Variants in SPMIP8 observed in about 807,000 individuals in gnomAD.
SPMIP8 encodes sperm microtubule inner protein 8, also known as testicular tissue protein Li 196.
chr16:57,985,850 G>A, the SPMIP8 span: 1 of 1,559,838 alleles, frequency 6.4e-7, no homozygotes, highest in South Asian at 1.2e-5. Context: ...GGTCGAGTGA[G>A]GCGCCCAGAG....
chr16:57,982,350 G>T, the SPMIP8 span, among the ~76,000 whole-genome samples: 1 of 152,148 alleles, frequency 6.6e-6, no homozygotes. Context: ...TCAGTTACTT[G>T]TTATGTCTTT....
At chr16:57,984,934 A>G in the SPMIP8 span, 25 of 1,335,858 alleles carry the variant, frequency 1.9e-5, no homozygotes, top group East Asian at 6.5e-4. Flanking sequence ...GGCCGCTGAG[A>G]TGAAGCTGTG....
chr16:57,977,862 CAT>C, the SPMIP8 span: 10 of 1,614,184 alleles, frequency 6.2e-6, no homozygotes, highest in Middle Eastern at 1.7e-4. Flanking sequence ...TGGCTCCACA[CAT>C]GTGTATGCCT....
chr16:57,987,540 A>G, the SPMIP8 span: 3 of 1,221,628 alleles, frequency 2.5e-6, no homozygotes, highest in African/African-American at 4.7e-5. Flanking sequence ...CAGCCTAACT[A>G]GAAATAAACC....
chr16:57,983,148 G>A, the SPMIP8 span, among the ~76,000 whole-genome samples: 47 of 152,188 alleles, frequency 3.1e-4, no homozygotes, highest in African/African-American at 8.4e-4. Context: ...ACAAGGTCTC[G>A]CTATGCCACC....
At chr16:57,986,149 CG>C in the SPMIP8 span, 4 of 504,358 alleles carry the variant, frequency 7.9e-6, no homozygotes, top group Non-Finnish European at 1.3e-5. Context: ...GGGGTGGACG[CG>C]GGAGGGGGTC....
At chr16:57,985,032 C>T in the SPMIP8 span, 6 of 1,054,572 alleles carry the variant, frequency 5.7e-6, no homozygotes, top group Non-Finnish European at 7.8e-6. Context: ...GCGGAGCCTT[C>T]GGGCCGGGGG....
At chr16:57,984,443 C>A in the SPMIP8 span, 1 of 1,576,516 alleles carries the variant, frequency 6.3e-7, no homozygotes, top group Non-Finnish European at 8.7e-7. Flanking sequence ...ATCTACACCC[C>A]GCGCACCTTC....
the SPMIP8 span, chr16:57,986,598 T>C: frequency 1.3e-5 from 2 of 151,650 alleles, no homozygotes; most frequent in Non-Finnish European, 1.5e-5. Context: ...ATTATTATTA[T>C]TATTATTATT....
the SPMIP8 span, among the ~76,000 whole-genome samples, chr16:57,977,420 A>AAAAAG: frequency 6.6e-6 from 1 of 150,982 alleles, no homozygotes; most frequent in East Asian, 1.9e-4. Flanking sequence ...AAAAAAAAAA[A>AAAAAG]AAAAGAAAAG....
chr16:57,983,839 C>T, the SPMIP8 span, among the ~76,000 whole-genome samples: 4 of 152,236 alleles, frequency 2.6e-5, no homozygotes, highest in Non-Finnish European at 5.9e-5. Flanking sequence ...TCTCGAACTC[C>T]TGAGCTCAAG....
chr16:57,985,037 CG>C, the SPMIP8 span: 4 of 1,045,544 alleles, frequency 3.8e-6, no homozygotes, highest in Non-Finnish European at 5.2e-6. Context: ...GCCTTCGGGC[CG>C]GGGGCTTTGC....
At chr16:57,987,388 C>T in the SPMIP8 span, 6 of 1,593,598 alleles carry the variant, frequency 3.8e-6, no homozygotes, top group Non-Finnish European at 5.1e-6. Flanking sequence ...CCCTACTTCT[C>T]TCCACAGTCG....
At chr16:57,985,678 A>C in the SPMIP8 span, 2 of 1,310,302 alleles carry the variant, frequency 1.5e-6, no homozygotes, top group South Asian at 3.0e-5. Context: ...AATACACCAG[A>C]AACAAATTGC....
the SPMIP8 span, among the ~76,000 whole-genome samples, chr16:57,979,112 C>G: frequency 3.3e-5 from 5 of 152,166 alleles, no homozygotes; most frequent in Non-Finnish European, 5.9e-5. Flanking sequence ...AGTGAATAAC[C>G]CCGCATGGAC....
the SPMIP8 span, chr16:57,984,376 T>C: frequency 1.9e-6 from 3 of 1,614,208 alleles, no homozygotes; most frequent in Non-Finnish European, 2.5e-6. Flanking sequence ...TGAGTGTCCT[T>C]TGCCCTGCCC....
At chr16:57,977,969 C>T in the SPMIP8 span, 1 of 1,614,202 alleles carries the variant, frequency 6.2e-7, no homozygotes, top group Non-Finnish European at 8.5e-7. Flanking sequence ...CCCTGCGCCA[C>T]ATGGACAGGG....
chr16:57,985,791 G>T, the SPMIP8 span: 395 of 1,359,086 alleles, frequency 2.9e-4, 1 homozygote, highest in African/African-American at 2.8e-3. Flanking sequence ...GGGTGAAGGC[G>T]CCCTGGAACC....
the SPMIP8 span, chr16:57,986,045 A>G: frequency 1.4e-6 from 2 of 1,408,368 alleles, no homozygotes. Context: ...TGCCCCAGCG[A>G]GGCCTGGCGA....
Sources: allele counts gnomAD v4.1 joint callset (sites outside exome capture counted in the v4.1 genomes callset), GRCh38; gene constraint gnomAD v4.1.1; transcripts MANE v1.5; gene names NCBI Gene and HGNC (gene_info 2026-07-23, HGNC 2026-07-21).